The following SAMD9 variants were observed in gnomAD, a reference collection of about 807,000 sequenced individuals.
The protein encoded by SAMD9 is sterile alpha motif domain containing 9.
A neutral mutation model predicts 1.5 loss-of-function variants in SAMD9; 3 were observed. That is an observed-to-expected ratio of 2.05 (90% CI 0.93 to 5.29). The LOEUF (loss-of-function observed/expected upper bound fraction) is 5.29, where lower values mean the gene tolerates loss of function less well. Among genes scored for constraint, SAMD9 ranks in the 30% most tolerant of loss-of-function variants. The probability of loss-of-function intolerance (pLI) is 0.02; values close to 1 mark genes in which losing one functional copy is unlikely to be tolerated. For synonymous variants in SAMD9, 635 were observed against 631.9 expected, an observed-to-expected ratio of 1.00 and a Z score of -0.07; for missense variants, 1,597 against 1,820.8, an observed-to-expected ratio of 0.88 and a Z score of 2.24.
Position 93,103,766 on chromosome 7 carries a change from T to C in SAMD9, c.2332A>G (p.Thr778Ala), listed in dbSNP as rs1349457436. Residue 778 changes from threonine to alanine, a missense_variant, in exon 3 of 3, where the codon ACC (threonine) becomes GCC (alanine). Physicochemically the swap from Thr to Ala is moderately conservative, Grantham distance 58. Coordinates refer to ENST00000379958, the MANE Select transcript of SAMD9 (RefSeq NM_017654.4). ...VDFSEIGEQV[T>A]SLITYGAMNR... ...ATTGCCCCATAGGTGATTAAACTGGTTACCTGTTCTCCAATTTCAGAAAAA... is the reference window on the plus strand; with the variant it reads ...ATTGCCCCATAGGTGATTAAACTGGCTACCTGTTCTCCAATTTCAGAAAAA... 1 of 1,613,966 alleles carries C rather than the reference T, an allele frequency of 6.2e-7. No individual in the cohort carries two copies. Among genetic ancestry groups the C allele is most frequent in the South Asian group, 1.1e-5 (1 of 91,084 alleles).
chr7:93,112,301 T>C (rs926789966), intron 2 of SAMD9, among the ~76,000 whole-genome samples: 4 of 152,208 alleles, frequency 2.6e-5, no homozygotes. Context: ...TGATGGGACA[T>C]ATCTCAAAAT....
In SAMD9 at chr7:93,102,916, T is replaced by C. The variant is rs1355058668; in HGVS notation, c.3182A>G (p.Asp1061Gly). ...FSPFIEALHK[D>G]EGNEAVEAVL... ...AGCTTCAACTGCTTCATTTCCTTCA[T>C]CTTTATGTAATGCTTCAATAAATGG... The change falls in exon 3 of 3, where the codon GAT becomes GGT. Residue 1061 changes from aspartate (D) to glycine (G), a missense_variant. Asp to Gly is a moderately conservative substitution (Grantham distance 94, BLOSUM62 -1). Around this residue, in one of 6 missense-constraint regions of SAMD9, gnomAD observed 682 missense variants for 810.0 expected, o/e 0.84. Transcript: ENST00000379958. 7 of 1,613,812 alleles carry C rather than the reference T, an allele frequency of 4.3e-6. No individual in the cohort carries two copies. In the African/African-American group the frequency reaches 9.3e-5, roughly 22 times the overall value.
Position 93,102,023 on chromosome 7 carries a change from T to C in SAMD9, c.4075A>G (p.Ile1359Val), listed in dbSNP as rs1791539699. 3 of 1,613,362 alleles carry C rather than the reference T, an allele frequency of 1.9e-6. No homozygotes were observed. The highest frequency in any genetic ancestry group is 1.6e-4 in the Middle Eastern group (1 of 6,082). The change falls in exon 3 of 3, where the codon ATA becomes GTA. Residue 1359 changes from isoleucine (I) to valine (V), a missense_variant. Around this residue, in one of 6 missense-constraint regions of SAMD9, gnomAD observed 682 missense variants for 810.0 expected, o/e 0.84. Transcript: ENST00000379958. ...EYLIKSQEDAISTMKCIVNEY... is the reference protein window; with the variant it reads ...EYLIKSQEDAVSTMKCIVNEY... ...TTCACTATACATTTCATAGTGCTTA[T>C]AGCATCCTCTTGACTTTTGATAAGA...
Position 93,102,391 on chromosome 7 carries a change from C to T in SAMD9, c.3707G>A (p.Ser1236Asn). The T allele has an allele frequency of 6.2e-7, 1 of 1,609,688 alleles. No homozygotes were observed. The change falls in exon 3 of 3, where the codon AGT (serine) becomes AAT (asparagine). Residue 1236 changes from serine (S) to asparagine (N), a missense_variant. Transcript: ENST00000379958. The part of the protein sequence containing the change: ...RYMVNFVSGS[S>N]DIPGDPNNEY... Reference sequence around the variant, plus strand: ...ATTGTTTGGATCCCCTGGAATATCACTACTTCCTGATACAAAATTGACCAT... The same window carrying T: ...ATTGTTTGGATCCCCTGGAATATCATTACTTCCTGATACAAAATTGACCAT...
Position 93,105,099 on chromosome 7 carries a change from C to T in SAMD9, c.999G>A (p.Trp333Ter). The change falls in exon 3 of 3, where the codon TGG becomes TGA. Residue 333 changes from tryptophan (W) to a stop codon, truncating the protein, a stop_gained. Transcript: ENST00000379958. LOFTEE classifies it low-confidence loss of function (END_TRUNC). ...ATAGTGAGAATTTTTTACTTTGTTCCCATATTTTGTTGTTGTAATTTTGCA... is the reference window on the plus strand; with the variant it reads ...ATAGTGAGAATTTTTTACTTTGTTCTCATATTTTGTTGTTGTAATTTTGCA... ...IKMQNYNNKI[W>*]EQSKKFSLFV... is the part of the protein sequence containing the mutation. 1 of 1,613,732 alleles carries T rather than the reference C, an allele frequency of 6.2e-7. No homozygotes were observed. Among genetic ancestry groups the T allele is most frequent in the Non-Finnish European group, 8.5e-7 (1 of 1,179,874 alleles).
chr7:93,112,227 C>T (rs1791757971), intron 2 of SAMD9, among the ~76,000 whole-genome samples: 1 of 152,302 alleles, frequency 6.6e-6, no homozygotes, highest in Admixed American at 6.5e-5. Flanking sequence ...TCAATAGATG[C>T]AGAAAATGCC....
Position 93,106,013 on chromosome 7 carries a change from C to A in SAMD9, c.85G>T (p.Asp29Tyr). Residue 29 changes from aspartate to tyrosine, a missense_variant, in exon 3 of 3, where the codon GAC becomes TAC. Transcript: ENST00000379958. ...GTCAAAATTTCCCTGTGTTTTTGGT[C>A]AATCTTATGACTTTCTAACCACTGA... Reference protein sequence around the residue: ...VNQWLESHKIDQKHREILTEQ... With the variant: ...VNQWLESHKIYQKHREILTEQ... The A allele has an allele frequency of 6.3e-7, 1 of 1,593,634 alleles. No individual in the cohort carries two copies.
Position 93,103,951 on chromosome 7 carries a change from G to C in SAMD9, c.2147C>G (p.Ala716Gly). 6.2e-7 allele frequency: 1 copy of C among 1,613,088 alleles called. No homozygotes were observed. The highest frequency in any genetic ancestry group is 8.5e-7 in the Non-Finnish European group (1 of 1,179,302). Residue 716 changes from alanine to glycine, a missense_variant, in exon 3 of 3, where the codon GCA becomes GGA. Ala to Gly is a moderately conservative substitution (Grantham distance 60). This residue lies in a region of SAMD9 where 358 missense variants were observed against 460.4 expected (regional missense o/e 0.78). Coordinates refer to ENST00000379958, the MANE Select transcript of SAMD9 (RefSeq NM_017654.4). ...AGAATCTGCACAGTTTTGAATCATTGCTTCAAGTCTTTCATATTTATCCCT... is the reference window on the plus strand; with the variant it reads ...AGAATCTGCACAGTTTTGAATCATTCCTTCAAGTCTTTCATATTTATCCCT... ...VKRDKYERLE[A>G]MIQNCADSSK...
rs751745078 is a variant in SAMD9 at position 93,103,011 on chromosome 7, T to C, written c.3087A>G (p.Gln1029=). 5.0e-6 allele frequency: 8 copies of C among 1,613,870 alleles called. No homozygotes were observed. The highest frequency in any genetic ancestry group is 3.3e-5 in the Admixed American group (2 of 59,984). Residue 1029 remains glutamine (Q), a synonymous_variant, in exon 3 of 3, where the codon CAA becomes CAG. Coordinates refer to ENST00000379958, the MANE Select transcript of SAMD9 (RefSeq NM_017654.4). The part of the protein sequence containing the change: ...DTGMGKSKFL[Q]DMHTLLLTRH... ...TTGTGAGTAGGAGTGTGTGCATATC[T>C]TGCAAAAATTTACTTTTTCCCATAC...
At position 93,104,616 on chromosome 7, in the gene SAMD9, G is replaced by T. The variant is rs770283908; in HGVS notation, c.1482C>A (p.Cys494Ter). 17 of 1,613,880 alleles carry T rather than the reference G, an allele frequency of 1.1e-5. No individual in the cohort carries two copies. Among genetic ancestry groups the T allele is most frequent in the Non-Finnish European group, 1.4e-5 (17 of 1,179,930 alleles). Reference sequence around the variant, plus strand: ...CACTGTCAAGGTCTAACCTGCCATTGCAGAAAATCCAGCTGGGTTGATGGT... The same window carrying T: ...CACTGTCAAGGTCTAACCTGCCATTTCAGAAAATCCAGCTGGGTTGATGGT... The part of the protein sequence containing the change: ...NLYHQPSWIF[C>*]NGRLDLDSEK... Residue 494 changes from cysteine to a stop codon, truncating the protein, a stop_gained, in exon 3 of 3, where the codon TGC (cysteine) becomes TGA (stop). Transcript: ENST00000379958. LOFTEE classifies it low-confidence loss of function (END_TRUNC).
rs151038564 is a variant in SAMD9, at chr7:93,103,253, C to G, written c.2845G>C (p.Ala949Pro). 4.3e-6 allele frequency: 7 copies of G among 1,613,636 alleles called. 1 individual carries two copies. Among genetic ancestry groups the G allele is most frequent in the East Asian group, 2.2e-5 (1 of 44,866 alleles). The change falls in exon 3 of 3, where the codon GCT (alanine) becomes CCT (proline). Residue 949 changes from alanine to proline, a missense_variant. Physicochemically the swap from Ala to Pro is conservative, Grantham distance 27. Transcript: ENST00000379958. ...TCAAATTTTTCTGTCCCCCAGAAAGCCTTCTTGTTTCCAATTCCTAAGAAT... is the reference window on the plus strand; with the variant it reads ...TCAAATTTTTCTGTCCCCCAGAAAGGCTTCTTGTTTCCAATTCCTAAGAAT... ...EKFLGIGNKK[A>P]FWGTEKFEDK...
At position 93,105,954 on chromosome 7, in the gene SAMD9, C is replaced by A. The variant is rs1292313496; in HGVS notation, c.144G>T (p.Trp48Cys). The change falls in exon 3 of 3, where the codon TGG becomes TGT. Residue 48 changes from tryptophan to cysteine, a missense_variant. By Grantham distance (215) the Trp-to-Cys change is radical (BLOSUM62 -2). Around this residue, in one of 6 missense-constraint regions of SAMD9, gnomAD observed 498 missense variants for 457.4 expected, o/e 1.09. Transcript: ENST00000379958. ...TATCAACAAGATGTTCTTTTTTTAA[C>A]CACTTCAAGACTGCTCCATTCACGT... ...EQDVNGAVLK[W>C]LKKEHLVDMG... is the part of the protein sequence containing the mutation. 2 of 1,611,462 alleles carry A rather than the reference C, an allele frequency of 1.2e-6. No individual in the cohort carries two copies. The highest frequency in any genetic ancestry group is 2.2e-5 in the East Asian group (1 of 44,860).
chr7:93,102,695 T>C lies in SAMD9; in HGVS notation c.3403A>G (p.Ile1135Val), dbSNP rs376829052. ...TTCCCGTTTCCTCCGTTTTCCTCTA[T>C]CCACCATCTTATTTTACTTTTGTAG... ...QVYKSKIRWWIEENGGNGNIS... is the reference protein window; with the variant it reads ...QVYKSKIRWWVEENGGNGNIS... Residue 1135 changes from isoleucine to valine, a missense_variant, in exon 3 of 3, where the codon ATA becomes GTA. Ile to Val is a conservative substitution (Grantham distance 29, BLOSUM62 3). This residue lies in a region of SAMD9 where 682 missense variants were observed against 810.0 expected (regional missense o/e 0.84). Coordinates refer to ENST00000379958, the MANE Select transcript of SAMD9 (RefSeq NM_017654.4). 240 of 1,613,798 alleles carry C rather than the reference T, an allele frequency of 1.5e-4. No homozygotes were observed. The highest frequency in any genetic ancestry group is 1.9e-4 in the Non-Finnish European group (224 of 1,179,810).
chr7:93,102,321 T>C lies in SAMD9; in HGVS notation c.3777A>G (p.Lys1259=), dbSNP rs1385421803. 1 of 1,609,418 alleles carries C rather than the reference T, an allele frequency of 6.2e-7. No homozygotes were observed. The highest frequency in any genetic ancestry group is 8.5e-7 in the Non-Finnish European group (1 of 1,176,266). The change falls in exon 3 of 3, where the codon AAA becomes AAG. Residue 1259 remains lysine (K), a synonymous_variant. Transcript: ENST00000379958. ...ALKNYIPYLT[K]LKFSLKKSFD... The stretch of plus-strand genomic sequence containing the variant: ...AGGACTTTTTCAAAGAAAATTTCAA[T>C]TTAGTTAAATAAGGAATATAGTTTT...
intron 1 of SAMD9, among the ~76,000 whole-genome samples, chr7:93,115,553 G>T (rs1021562082): frequency 6.6e-6 from 1 of 152,080 alleles, no homozygotes; most frequent in Non-Finnish European, 1.5e-5. Flanking sequence ...CTGGGAAGGG[G>T]TGATGGAAAT....
rs773592900 is a variant in SAMD9, at chr7:93,102,981, G to A, written c.3117C>T (p.His1039=). 1 of 1,613,846 alleles carries A rather than the reference G, an allele frequency of 6.2e-7. No individual in the cohort carries two copies. The highest frequency in any genetic ancestry group is 8.5e-7 in the Non-Finnish European group (1 of 1,179,796). The change falls in exon 3 of 3, where the codon CAC becomes CAT. Residue 1039 remains histidine, a synonymous_variant. Transcript: ENST00000379958. Reference sequence around the variant, plus strand: ...CTGTTTCACCTTCATGTTCATCGCGGTGTCTTGTGAGTAGGAGTGTGTGCA... The same window carrying A: ...CTGTTTCACCTTCATGTTCATCGCGATGTCTTGTGAGTAGGAGTGTGTGCA... ...QDMHTLLLTR[H]RDEHEGETGN... is the part of the protein sequence containing the mutation.
chr7:93,106,660 T>A (rs948014076), intron 2 of SAMD9, among the ~76,000 whole-genome samples: 1 of 152,252 alleles, frequency 6.6e-6, no homozygotes, highest in Non-Finnish European at 1.5e-5. Flanking sequence ...TTGCTGTTTT[T>A]CAGGTCTAAA....
chr7:93,115,361 A>G (rs61132891), intron 1 of SAMD9, among the ~76,000 whole-genome samples: 27,909 of 152,104 alleles, frequency 0.18, 3,809 homozygotes, highest in African/African-American at 0.35. Context: ...TGGATCTGCA[A>G]TTCTCATGAA....
chr7:93,115,592 G>A (rs1192246003), intron 1 of SAMD9, among the ~76,000 whole-genome samples: 3 of 152,108 alleles, frequency 2.0e-5, no homozygotes, highest in Non-Finnish European at 4.4e-5. Context: ...GCTAGCGGTT[G>A]CACAGATAAG....
Sources: allele counts gnomAD v4.1 joint callset (sites outside exome capture counted in the v4.1 genomes callset), GRCh38; gene constraint gnomAD v4.1.1; regional missense constraint gnomAD v4.1.1; transcripts MANE v1.5; gene names NCBI Gene and HGNC (gene_info 2026-07-23, HGNC 2026-07-21).